Variants in SOX6 observed in about 807,000 individuals in gnomAD.
SOX6 encodes the protein SRY-box transcription factor 6.
Under a neutral mutation model 97.8 loss-of-function variants are expected in SOX6, and 11 were observed. The observed-to-expected ratio is 0.11, with a 90% CI of 0.07 to 0.19. The LOEUF is 0.19. Ranked by LOEUF, SOX6 falls within the 10% of genes least tolerant of loss-of-function variation. The pLI is 1.00. For missense variants in SOX6, 810 were observed against 1,039.5 expected, an observed-to-expected ratio of 0.78 and a Z score of 3.04; for synonymous variants, 360 against 371.4, an observed-to-expected ratio of 0.97 and a Z score of 0.35.
chr11:16,093,001 A>C (rs904539975), intron 9 of SOX6, among the ~76,000 whole-genome samples: 2 of 151,922 alleles, frequency 1.3e-5, no homozygotes, highest in Non-Finnish European at 2.9e-5. Flanking sequence ...TTACTTAAGG[A>C]CCAATGATAA....
intron 2 of SOX6, among the ~76,000 whole-genome samples, chr11:16,325,396 CTG>C (rs1432079099): frequency 1.3e-5 from 2 of 152,030 alleles, no homozygotes; most frequent in Non-Finnish European, 1.5e-5. Context: ...GGTGGTAAGA[CTG>C]TTGGTAATTT....
chr11:16,656,558 A>G (rs982970492), intron 3 of SOX6, among the ~76,000 whole-genome samples: 4 of 152,196 alleles, frequency 2.6e-5, no homozygotes, highest in East Asian at 1.9e-4. Flanking sequence ...AGAGTTTCAC[A>G]TACTATAATG....
chr11:16,566,865 C>T (rs1379479437), intron 4 of SOX6, among the ~76,000 whole-genome samples: 2 of 152,156 alleles, frequency 1.3e-5, no homozygotes, highest in East Asian at 3.9e-4. Context: ...TCAAACAAAA[C>T]TTACACACAA....
rs1221148324 is a variant in SOX6, at chr11:15,968,003, A to C, written c.*4806T>G. The C allele has an allele frequency of 1.3e-5, 2 of 151,984 alleles. No individual in the cohort carries two copies. Among genetic ancestry groups the C allele is most frequent in the African/African-American group, 4.8e-5 (2 of 41,408 alleles). The allele number at this position is 151,984 out of a possible 1,614,324, so 9.4% of individuals were successfully genotyped here. On this transcript the variant is annotated 3_prime_UTR_variant, in exon 16 of 16. Coordinates refer to ENST00000683767, the MANE Select transcript of SOX6 (RefSeq NM_001367873.1). ...AGGGAAAGATAGAATGGGGATGAAAAGGAAATGTGTTTGCATATCAATATT... is the reference window on the plus strand; with the variant it reads ...AGGGAAAGATAGAATGGGGATGAAACGGAAATGTGTTTGCATATCAATATT...
rs972443326 is a variant in SOX6, at chr11:16,204,863, T to C, written c.536-17908A>G. 3.9e-5 allele frequency among the ~76,000 whole-genome samples: 6 copies of C among 152,122 alleles called. No homozygotes were observed. In the South Asian group the frequency reaches 1.2e-3, roughly 32 times the overall value. On this transcript the variant is annotated intron_variant, in intron 4 of 15. Coordinates refer to ENST00000683767, the MANE Select transcript of SOX6 (RefSeq NM_001367873.1). ...GGAAAGTGACATGCCTGATGTCAGA[T>C]AGCTAATTAGCTAGTGACAGAGTTA... is the stretch of plus-strand genomic sequence containing the variant.
chr11:16,625,968 A>G (rs1465186301), intron 3 of SOX6, among the ~76,000 whole-genome samples: 2 of 152,234 alleles, frequency 1.3e-5, no homozygotes, highest in African/African-American at 2.4e-5. Flanking sequence ...CTTCTGATTT[A>G]CAGCAGGCTG....
At chr11:16,537,557 C>A (rs1861328804) in intron 4 of SOX6, among the ~76,000 whole-genome samples, 1 of 152,006 alleles carries the variant, frequency 6.6e-6, no homozygotes, top group South Asian at 2.1e-4. Context: ...TAACCCATCG[C>A]AAGGAAGCTA....
chr11:16,359,841 T>G (rs1369127746), upstream of SOX6, among the ~76,000 whole-genome samples: 1 of 152,194 alleles, frequency 6.6e-6, no homozygotes, highest in East Asian at 1.9e-4. Flanking sequence ...GACAAGCTCA[T>G]TACTTTATGC....
intron 6 of SOX6, among the ~76,000 whole-genome samples, chr11:16,169,623 C>A (rs1850978136): frequency 6.6e-6 from 1 of 152,026 alleles, no homozygotes; most frequent in South Asian, 2.1e-4. Context: ...CATAGCCAAA[C>A]ACTCACAGAA....
intron 3 of SOX6, among the ~76,000 whole-genome samples, chr11:16,299,165 G>A (rs1313118957): frequency 1.3e-5 from 2 of 152,068 alleles, no homozygotes; most frequent in Non-Finnish European, 2.9e-5. Flanking sequence ...ATATACCATA[G>A]AATATGTTAT....
chr11:16,317,416 G>A (rs1457855640), intron 3 of SOX6: 1 of 151,862 alleles, frequency 6.6e-6, no homozygotes, highest in Admixed American at 6.6e-5. Flanking sequence ...GGCTCGAGTA[G>A]ATTGAAGAAT....
intron 6 of SOX6, among the ~76,000 whole-genome samples, chr11:16,134,842 A>T (rs1322106850): frequency 6.6e-6 from 1 of 152,190 alleles, no homozygotes; most frequent in South Asian, 2.1e-4. Context: ...TAATAACTCT[A>T]CAATGGCCTC....
intron 9 of SOX6, among the ~76,000 whole-genome samples, chr11:16,079,706 T>C (rs1399736525): frequency 6.6e-6 from 1 of 152,130 alleles, no homozygotes; most frequent in Non-Finnish European, 1.5e-5. Flanking sequence ...TTCTTCTGTA[T>C]TTTTTAAATT....
chr11:16,223,222 A>G (rs1467047493), intron 4 of SOX6, among the ~76,000 whole-genome samples: 1 of 152,168 alleles, frequency 6.6e-6, no homozygotes, highest in Non-Finnish European at 1.5e-5. Context: ...CTGGGCTAAA[A>G]GTCTCTAAAT....
rs1855215696 is a variant in SOX6 at position 16,300,136 on chromosome 11, C to T, written c.445+18310G>A. Among the ~76,000 whole-genome samples the T allele has an allele frequency of 2.0e-5, 3 of 152,076 alleles. No homozygotes were observed. Among genetic ancestry groups the T allele is most frequent in the Admixed American group, 1.3e-4 (2 of 15,264 alleles). On this transcript the variant is annotated intron_variant, in intron 3 of 15. Coordinates refer to ENST00000683767, the MANE Select transcript of SOX6 (RefSeq NM_001367873.1). This position sits in a 1 kb window ranked among gnomAD's most constrained non-coding sequence, Gnocchi z 4.1. The stretch of plus-strand genomic sequence containing the variant: ...GCTCACTGTGGGATGGCAAGCGAGG[C>T]CCTTCCTCCTTCAGCAAGCTTCCCC...
At chr11:16,348,062 A>G (rs1246278243) in intron 1 of SOX6, among the ~76,000 whole-genome samples, 1 of 151,762 alleles carries the variant, frequency 6.6e-6, no homozygotes. Flanking sequence ...AGAGGAGGGG[A>G]AAAGGGGAGA....
At chr11:16,585,496 C>T (rs767479399) in intron 4 of SOX6, among the ~76,000 whole-genome samples, 12 of 152,008 alleles carry the variant, frequency 7.9e-5, no homozygotes, top group African/African-American at 1.2e-4. Context: ...CTTTTTACCA[C>T]AAGTTCATTT....
At position 16,318,544 on chromosome 11, in the gene SOX6, G is replaced by A; in HGVS notation, c.347C>T (p.Thr116Ile). Reference sequence around the variant, plus strand: ...TTTGCGGCGCTCTGGGGTTCCAAAAGTAACACTGGTCATTATCTCACGGTC... The same window carrying A: ...TTTGCGGCGCTCTGGGGTTCCAAAAATAACACTGGTCATTATCTCACGGTC... ...SRDREIMTSV[T>I]FGTPERRKGS... Residue 116 changes from threonine to isoleucine, a missense_variant, in exon 3 of 16, where the codon ACT (threonine) becomes ATT (isoleucine). Physicochemically the swap from Thr to Ile is moderately conservative, Grantham distance 89. Transcript: ENST00000683767. The A allele has an allele frequency of 6.2e-7, 1 of 1,613,688 alleles. No individual in the cohort carries two copies. The highest frequency in any genetic ancestry group is 8.5e-7 in the Non-Finnish European group (1 of 1,179,796).
At chr11:16,407,020 A>C (rs1403766602) in intron 1 of SOX6, among the ~76,000 whole-genome samples, 1 of 152,112 alleles carries the variant, frequency 6.6e-6, no homozygotes, top group South Asian at 2.1e-4. Flanking sequence ...ATTTTTGTGT[A>C]CTGAATTATT....
Sources: allele counts gnomAD v4.1 joint callset (sites outside exome capture counted in the v4.1 genomes callset), GRCh38; gene constraint gnomAD v4.1.1; non-coding constraint Gnocchi (gnomAD v3.1); transcripts MANE v1.5; gene names NCBI Gene and HGNC (gene_info 2026-07-23, HGNC 2026-07-21).